The following NECTIN1 variants were observed in gnomAD, a reference collection of about 807,000 sequenced individuals.
NECTIN1 encodes nectin cell adhesion molecule 1, also known as nectin-1.
A neutral mutation model predicts 48.0 loss-of-function variants in NECTIN1; 23 were observed. The ratio of observed to expected loss-of-function variants is 0.48; its 90% CI spans 0.34 to 0.68. NECTIN1 has a LOEUF of 0.68. NECTIN1 is among the 30% of genes least tolerant of loss of function. The pLI is 0.01. For missense variants in NECTIN1, 591 were observed against 709.9 expected (o/e 0.83, Z 1.90); for synonymous variants, 270 against 288.9 (o/e 0.93, Z 0.66).
At chr11:119,651,303 G>T (rs1214296244) in intron 5 of NECTIN1, among the ~76,000 whole-genome samples, 2 of 152,168 alleles carry the variant, frequency 1.3e-5, no homozygotes, top group Non-Finnish European at 2.9e-5. Context: ...TGGGGCTTGG[G>T]TGTGTCTTCA....
rs1376307297 is a variant in NECTIN1, at chr11:119,673,214, A to G, written c.1003+1945T>C. Among the ~76,000 whole-genome samples the G allele has an allele frequency of 3.3e-5, 5 of 152,154 alleles. No homozygotes were observed. The highest frequency in any genetic ancestry group is 3.3e-4 in the Admixed American group (5 of 15,284). ...TGCTTGGAAATTGCCTGAGAGCACAAGAACAAACAGCCCTGAGAAGGCTCA... is the reference window on the plus strand; with the variant it reads ...TGCTTGGAAATTGCCTGAGAGCACAGGAACAAACAGCCCTGAGAAGGCTCA... On this transcript the variant is annotated intron_variant, in intron 5 of 5. Transcript: ENST00000264025. This position sits in a 1 kb window ranked among gnomAD's most constrained non-coding sequence, Gnocchi z 5.8.
intron 5 of NECTIN1, chr11:119,640,567 GT>G: frequency 6.2e-6 from 1 of 161,812 alleles, no homozygotes; most frequent in South Asian, 1.8e-4. Context: ...CCAGAGGGCT[GT>G]GGTCTAAGGT....
At chr11:119,658,096 G>C (rs1864605597), downstream of NECTIN1, among the ~76,000 whole-genome samples, 4 of 152,106 alleles carry the variant, frequency 2.6e-5, no homozygotes, top group South Asian at 8.3e-4. Context: ...ATGATGCCCT[G>C]CGGCTGGTTC....
intron 5 of NECTIN1, chr11:119,641,185 C>T (rs1864318457): frequency 6.6e-6 from 1 of 152,248 alleles, no homozygotes; most frequent in South Asian, 2.1e-4. Flanking sequence ...AGCATCCATC[C>T]ATCCACAGCT....
intron 5 of NECTIN1, among the ~76,000 whole-genome samples, chr11:119,668,738 G>T (rs1416799449): frequency 6.6e-6 from 1 of 152,190 alleles, no homozygotes; most frequent in Non-Finnish European, 1.5e-5. Flanking sequence ...TACTGACATA[G>T]CATGGTAAAG....
chr11:119,675,336 A>G, intron 4 of NECTIN1, 26 bp from the exon 5 acceptor site: 1 of 1,614,090 alleles, frequency 6.2e-7, no homozygotes, highest in Non-Finnish European at 8.5e-7. Flanking sequence ...GACACAGCGT[A>G]GGGTTATGAC....
At chr11:119,653,464 C>T (rs1428796522) in intron 5 of NECTIN1, among the ~76,000 whole-genome samples, 2 of 152,192 alleles carry the variant, frequency 1.3e-5, no homozygotes, top group Non-Finnish European at 2.9e-5. Context: ...CCAACCCAGC[C>T]CTGCCCTGAG....
At chr11:119,666,961 A>AC (rs1260212121) in intron 5 of NECTIN1, among the ~76,000 whole-genome samples, 1 of 151,792 alleles carries the variant, frequency 6.6e-6, no homozygotes, top group Non-Finnish European at 1.5e-5. Context: ...CTGAGCCAGG[A>AC]CCCCCCAGGG....
rs1054100055 is a variant in NECTIN1 at position 119,677,443 on chromosome 11, G to C, written c.733+112C>G. Reference sequence around the variant, plus strand: ...CAAAGGGAGGAGATAGGGGAGACAGGAGGGGAGAAGAAAGCACCCCCAGAA... The same window carrying C: ...CAAAGGGAGGAGATAGGGGAGACAGCAGGGGAGAAGAAAGCACCCCCAGAA... On this transcript the variant is annotated intron_variant, in intron 3 of 5. Transcript: ENST00000264025. This position sits in a 1 kb window ranked among gnomAD's most constrained non-coding sequence, Gnocchi z 5.4. The C allele has an allele frequency of 1.4e-5, 17 of 1,241,194 alleles. No homozygotes were observed. The highest frequency in any genetic ancestry group is 1.9e-5 in the Non-Finnish European group (16 of 852,276). 76.9% of individuals were successfully genotyped at this position (1,241,194 alleles called of 1,614,324 possible).
chr11:119,675,297 G>C lies in NECTIN1; in HGVS notation c.865C>G (p.Leu289Val). 6.2e-7 allele frequency: 1 copy of C among 1,614,174 alleles called. No homozygotes were observed. The highest frequency in any genetic ancestry group is 8.5e-7 in the Non-Finnish European group (1 of 1,180,036). ...EYHWTTLNGS[L>V]PKGVEAQNRT... is the part of the protein sequence containing the mutation. ...TTCTGGGCCTCCACACCCTTGGGGA[G>C]AGAGCCATTTAGCCTGTGGGAAGTG... Residue 289 changes from leucine to valine, a missense_variant, in exon 5 of 6, where the codon CTC (leucine) becomes GTC (valine). By Grantham distance (32) the Leu-to-Val change is conservative. Coordinates refer to ENST00000264025, the MANE Select transcript of NECTIN1 (RefSeq NM_002855.5).
intron 1 of NECTIN1, among the ~76,000 whole-genome samples, chr11:119,686,759 G>C (rs144589027): frequency 6.6e-6 from 1 of 152,310 alleles, no homozygotes; most frequent in East Asian, 1.9e-4. Flanking sequence ...TGACTTTCAA[G>C]GGGGAGGCTT....
intron 1 of NECTIN1, among the ~76,000 whole-genome samples, chr11:119,703,391 G>A (rs1865488892): frequency 6.6e-6 from 1 of 152,216 alleles, no homozygotes; most frequent in South Asian, 2.1e-4. Context: ...CATCTCCAGA[G>A]CTCAGAGGCT....
At chr11:119,647,426 G>A (rs1348322475) in intron 5 of NECTIN1, among the ~76,000 whole-genome samples, 1 of 151,988 alleles carries the variant, frequency 6.6e-6, no homozygotes, top group East Asian at 1.9e-4. Flanking sequence ...AGGCCCAGCT[G>A]GAGAGAGTTA....
rs1424780892 is a variant in NECTIN1, at chr11:119,643,747, C to T, written c.1004-3735G>A. The stretch of plus-strand genomic sequence containing the variant: ...AAATTGGTTCCCCCGCTCCCAGCTC[C>T]GCAGGCTTGAGGGCAGGCCCAGTCA... On this transcript the variant is annotated intron_variant, in intron 5 of 7. Coordinates refer to the NECTIN1 transcript ENST00000341398. Among the ~76,000 whole-genome samples the T allele has an allele frequency of 7.2e-5, 11 of 152,316 alleles. No homozygotes were observed. The South Asian group carries it at 1.7e-3, about 23-fold the overall frequency.
intron 1 of NECTIN1, among the ~76,000 whole-genome samples, chr11:119,687,718 T>C (rs1024667643): frequency 6.6e-6 from 1 of 152,200 alleles, no homozygotes; most frequent in Non-Finnish European, 1.5e-5. Flanking sequence ...AAGCTCAGTA[T>C]TGACATCTGC....
intron 5 of NECTIN1, among the ~76,000 whole-genome samples, chr11:119,644,271 G>A (rs1395798939): frequency 2.0e-5 from 3 of 152,214 alleles, no homozygotes; most frequent in Non-Finnish European, 2.9e-5. Flanking sequence ...TGCAGGCCGC[G>A]TGCTACTGGG....
intron 4 of NECTIN1, among the ~76,000 whole-genome samples, chr11:119,676,624 C>T (rs1236664272): frequency 2.6e-5 from 4 of 152,220 alleles, no homozygotes; most frequent in South Asian, 2.1e-4. Context: ...CCGCAGGGCA[C>T]GTGCTCCATG....
At chr11:119,716,870 GCACA>G (rs146322585) in intron 1 of NECTIN1, among the ~76,000 whole-genome samples, 16 of 151,926 alleles carry the variant, frequency 1.1e-4, no homozygotes, top group African/African-American at 9.7e-5. Flanking sequence ...ACGCACGCAC[GCACA>G]CACACACAGC....
At chr11:119,679,632 A>G (rs931510880) in intron 1 of NECTIN1, among the ~76,000 whole-genome samples, 1 of 151,574 alleles carries the variant, frequency 6.6e-6, no homozygotes, top group African/African-American at 2.4e-5. Flanking sequence ...AACATGCCAC[A>G]TTCCCGGTTT....
Sources: gnomAD v4.1 joint callset for allele counts (sites outside exome capture counted in the v4.1 genomes callset) on GRCh38, gnomAD v4.1.1 for gene constraint, Gnocchi (gnomAD v3.1) non-coding constraint, MANE v1.5 for transcripts, NCBI Gene and HGNC (gene_info 2026-07-23, HGNC 2026-07-21) for gene names.